Variants in OXT observed in about 807,000 individuals in gnomAD.
OXT encodes oxytocin-neurophysin 1 proprotein.
Under a neutral mutation model 11.2 loss-of-function variants are expected in OXT, and 9 were observed. That is an observed-to-expected ratio of 0.80 (90% CI 0.49 to 1.40). The LOEUF (loss-of-function observed/expected upper bound fraction) is 1.40. Ranked by LOEUF, OXT falls within the 40% of genes most tolerant of loss-of-function variation. The pLI is 0.00. For missense variants in OXT, 175 were observed against 178.7 expected (o/e 0.98, Z 0.12); for synonymous variants, 76 against 80.9 (o/e 0.94, Z 0.33).
In OXT at chr20:3,071,806, C is replaced by T. The variant is rs1410100567; in HGVS notation, c.120+31C>T. 2 of 1,543,598 alleles carry T rather than the reference C, an allele frequency of 1.3e-6. No homozygotes were observed. Among genetic ancestry groups the T allele is most frequent in the Admixed American group, 3.9e-5 (2 of 51,466 alleles). ...TCCCCAGCCCTGGTCCCGCGGCGCT[C>T]CGGGGAGGGAGGGACCCGCAGCCAC... On this transcript the variant is annotated intron_variant, in intron 1 of 2. Coordinates refer to ENST00000217386, the MANE Select transcript of OXT (RefSeq NM_000915.4). The surrounding 1 kb of genome is among the most constrained non-coding windows in gnomAD (Gnocchi z 4.8).
In OXT at chr20:3,072,112, C is replaced by T; in HGVS notation, c.156C>T (p.Cys52=). 6.4e-7 allele frequency: 1 copy of T among 1,565,384 alleles called. No individual in the cohort carries two copies. Among genetic ancestry groups the T allele is most frequent in the Non-Finnish European group, 8.6e-7 (1 of 1,164,492 alleles). Residue 52 remains cysteine, a synonymous_variant, in exon 2 of 3, where the codon TGC becomes TGT. Transcript: ENST00000217386. ...LPCGPGGKGR[C]FGPNICCAEE... is the part of the protein sequence containing the mutation. ...GCGGCCCCGGGGGCAAAGGCCGCTG[C>T]TTCGGGCCCAATATCTGCTGCGCGG...
chr20:3,071,946 G>T lies in OXT; in HGVS notation c.121-131G>T. 1.5e-6 allele frequency: 2 copies of T among 1,352,306 alleles called. No homozygotes were observed. The highest frequency in any genetic ancestry group is 1.9e-6 in the Non-Finnish European group (2 of 1,040,154). 83.8% of individuals were successfully genotyped at this position (1,352,306 alleles called of 1,614,324 possible). ...CGGCGCCCCAGCGCGTCTCAGCCCC[G>T]CTGTCCCGCCCGAACTCCGAACCCC... On this transcript the variant is annotated intron_variant, in intron 1 of 2. Coordinates refer to ENST00000217386, the MANE Select transcript of OXT (RefSeq NM_000915.4). The surrounding 1 kb of genome is among the most constrained non-coding windows in gnomAD (Gnocchi z 4.8).
At position 3,072,118 on chromosome 20, in the gene OXT, G is replaced by A; in HGVS notation, c.162G>A (p.Gly54=). 13 of 1,572,934 alleles carry A rather than the reference G, an allele frequency of 8.3e-6. No homozygotes were observed. The highest frequency in any genetic ancestry group is 1.8e-5 in the Admixed American group (1 of 56,630). The change falls in exon 2 of 3, where the codon GGG becomes GGA. Residue 54 remains glycine, a synonymous_variant. Transcript: ENST00000217386. ...CGPGGKGRCF[G]PNICCAEELG... ...CCGGGGGCAAAGGCCGCTGCTTCGGGCCCAATATCTGCTGCGCGGAAGAGC... is the reference window on the plus strand; with the variant it reads ...CCGGGGGCAAAGGCCGCTGCTTCGGACCCAATATCTGCTGCGCGGAAGAGC...
Position 3,072,460 on chromosome 20 carries a change from T to C in OXT, c.*42T>C. ...ACACCCTCGAAGCGCGCCACTCGCT[T>C]CCCCCATAGCCACCCCAGAAATGGT... On this transcript the variant is annotated 3_prime_UTR_variant, in exon 3 of 3. Coordinates refer to ENST00000217386, the MANE Select transcript of OXT (RefSeq NM_000915.4). The C allele has an allele frequency of 6.3e-7, 1 of 1,596,742 alleles. No homozygotes were observed. The highest frequency in any genetic ancestry group is 8.6e-7 in the Non-Finnish European group (1 of 1,165,796).
chr20:3,072,058 A>T lies in OXT; in HGVS notation c.121-19A>T, dbSNP rs1416045633. 2 of 1,504,408 alleles carry T rather than the reference A, an allele frequency of 1.3e-6. No individual in the cohort carries two copies. Among genetic ancestry groups the T allele is most frequent in the Non-Finnish European group, 1.8e-6 (2 of 1,134,726 alleles). 93.2% of individuals were successfully genotyped at this position (1,504,408 alleles called of 1,614,324 possible). A position where few individuals can be genotyped will look rare whatever the true frequency, so the allele number is the denominator to read the frequency against. On this transcript the variant is annotated intron_variant, in intron 1 of 2. Coordinates refer to ENST00000217386, the MANE Select transcript of OXT (RefSeq NM_000915.4). ...CCCAGCGCCGCCCCGGCTCCCGCTCACCCCGCCCGTCCCCGCAGTGCCTCC... is the reference window on the plus strand; with the variant it reads ...CCCAGCGCCGCCCCGGCTCCCGCTCTCCCCGCCCGTCCCCGCAGTGCCTCC...
In OXT at chr20:3,072,439, C is replaced by T. The variant is rs773367608; in HGVS notation, c.*21C>T. Reference sequence around the variant, plus strand: ...GCTGAAACTTGATGGCTCCGAACACCCTCGAAGCGCGCCACTCGCTTCCCC... The same window carrying T: ...GCTGAAACTTGATGGCTCCGAACACTCTCGAAGCGCGCCACTCGCTTCCCC... On this transcript the variant is annotated 3_prime_UTR_variant, in exon 3 of 3. Transcript: ENST00000217386. The T allele has an allele frequency of 1.2e-5, 20 of 1,611,656 alleles. No homozygotes were observed. Among genetic ancestry groups the T allele is most frequent in the Non-Finnish European group, 1.6e-5 (19 of 1,179,036 alleles).
rs748920446 is a variant in OXT at position 3,071,665 on chromosome 20, C to T, written c.10C>T (p.Pro4Ser). ...CCAGCGCACCCGCACCATGGCCGGC[C>T]CCAGCCTCGCTTGCTGTCTGCTCGG... is the stretch of plus-strand genomic sequence containing the variant. MAG[P>S]SLACCLLGLL... The change falls in exon 1 of 3, where the codon CCC becomes TCC. Residue 4 changes from proline (P) to serine (S), a missense_variant. By Grantham distance (74) the Pro-to-Ser change is moderately conservative (BLOSUM62 -1). Coordinates refer to ENST00000217386, the MANE Select transcript of OXT (RefSeq NM_000915.4). The surrounding 1 kb of genome is among the most constrained non-coding windows in gnomAD (Gnocchi z 4.8). 2.5e-6 allele frequency: 4 copies of T among 1,601,976 alleles called. No individual in the cohort carries two copies. Among genetic ancestry groups the T allele is most frequent in the Non-Finnish European group, 3.4e-6 (4 of 1,177,942 alleles).
Position 3,071,991 on chromosome 20 carries a change from C to G in OXT, c.121-86C>G. The G allele has an allele frequency of 3.6e-6, 5 of 1,379,592 alleles. No homozygotes were observed. Among genetic ancestry groups the G allele is most frequent in the Non-Finnish European group, 4.7e-6 (5 of 1,068,148 alleles). 85.5% of individuals were successfully genotyped at this position (1,379,592 alleles called of 1,614,324 possible). On this transcript the variant is annotated intron_variant, in intron 1 of 2. Coordinates refer to ENST00000217386, the MANE Select transcript of OXT (RefSeq NM_000915.4). This position sits in a 1 kb window ranked among gnomAD's most constrained non-coding sequence, Gnocchi z 4.8. The stretch of plus-strand genomic sequence containing the variant: ...AACCCCGGACCCCAGCATCCTTGCC[C>G]GGCGCACCCCGGCCGGCCTCGCAGG...
At position 3,071,979 on chromosome 20, in the gene OXT, A is replaced by G; in HGVS notation, c.121-98A>G. 7.3e-7 allele frequency: 1 copy of G among 1,367,810 alleles called. No individual in the cohort carries two copies. The allele number at this position is 1,367,810 out of a possible 1,614,324, so 84.7% of individuals were successfully genotyped here. On this transcript the variant is annotated intron_variant, in intron 1 of 2. Coordinates refer to ENST00000217386, the MANE Select transcript of OXT (RefSeq NM_000915.4). This position sits in a 1 kb window ranked among gnomAD's most constrained non-coding sequence, Gnocchi z 4.8. The stretch of plus-strand genomic sequence containing the variant: ...GCCCGAACTCCGAACCCCGGACCCC[A>G]GCATCCTTGCCCGGCGCACCCCGGC...
chr20:3,071,881 G>A lies in OXT; in HGVS notation c.120+106G>A. On this transcript the variant is annotated intron_variant, in intron 1 of 2. Coordinates refer to ENST00000217386, the MANE Select transcript of OXT (RefSeq NM_000915.4). The surrounding 1 kb of genome is among the most constrained non-coding windows in gnomAD (Gnocchi z 4.8). ...GCCTGAGAACTCCAGGAGCTGAGCG[G>A]ATTTTGACGCCCCGCCCTTGACCGC... 3 of 1,416,484 alleles carry A rather than the reference G, an allele frequency of 2.1e-6. No homozygotes were observed. Among genetic ancestry groups the A allele is most frequent in the Non-Finnish European group, 2.8e-6 (3 of 1,085,182 alleles). 87.7% of individuals were successfully genotyped at this position (1,416,484 alleles called of 1,614,324 possible). A position where few individuals can be genotyped will look rare whatever the true frequency, so the allele number is the denominator to read the frequency against.
In OXT at chr20:3,072,156, T is replaced by A; in HGVS notation, c.200T>A (p.Val67Glu). The A allele has an allele frequency of 1.9e-6, 3 of 1,593,092 alleles. No individual in the cohort carries two copies. Among genetic ancestry groups the A allele is most frequent in the Non-Finnish European group, 2.6e-6 (3 of 1,176,298 alleles). The change falls in exon 2 of 3, where the codon GTG becomes GAG. Residue 67 changes from valine to glutamate, a missense_variant. Coordinates refer to ENST00000217386, the MANE Select transcript of OXT (RefSeq NM_000915.4). ...ICCAEELGCF[V>E]GTAEALRCQE... ...TGCGCGGAAGAGCTGGGCTGCTTCGTGGGCACCGCCGAAGCGCTGCGCTGC... is the reference window on the plus strand; with the variant it reads ...TGCGCGGAAGAGCTGGGCTGCTTCGAGGGCACCGCCGAAGCGCTGCGCTGC...
chr20:3,072,274 C>G lies in OXT; in HGVS notation c.318C>G (p.Ser106Arg). ...GCGCGGTCTTGGGCCTCTGCTGCAGCCCGGGTGAGCGGGGCAAGGCGCTCC... is the reference window on the plus strand; with the variant it reads ...GCGCGGTCTTGGGCCTCTGCTGCAGGCCGGGTGAGCGGGGCAAGGCGCTCC... ...GRCAVLGLCC[S>R]PDGCHADPAC... The change falls in exon 2 of 3, where the codon AGC becomes AGG. Residue 106 changes from serine to arginine, a missense_variant. Coordinates refer to ENST00000217386, the MANE Select transcript of OXT (RefSeq NM_000915.4). 1 of 1,595,790 alleles carries G rather than the reference C, an allele frequency of 6.3e-7. No homozygotes were observed. The highest frequency in any genetic ancestry group is 8.5e-7 in the Non-Finnish European group (1 of 1,177,096).
In OXT at chr20:3,071,647, A is replaced by G. The variant is rs757727500; in HGVS notation, c.-9A>G. 19 of 1,602,428 alleles carry G rather than the reference A, an allele frequency of 1.2e-5. No individual in the cohort carries two copies. The highest frequency in any genetic ancestry group is 1.5e-5 in the Non-Finnish European group (18 of 1,178,556). ...CAGTCACGGACCCTGGACCCAGCGC[A>G]CCCGCACCATGGCCGGCCCCAGCCT... On this transcript the variant is annotated 5_prime_UTR_variant, in exon 1 of 3. Transcript: ENST00000217386. This position sits in a 1 kb window ranked among gnomAD's most constrained non-coding sequence, Gnocchi z 4.8.
Position 3,072,174 on chromosome 20 carries a change from T to C in OXT, c.218T>C (p.Leu73Pro). The C allele has an allele frequency of 6.3e-7, 1 of 1,595,616 alleles. No homozygotes were observed. Among genetic ancestry groups the C allele is most frequent in the Non-Finnish European group, 8.5e-7 (1 of 1,177,378 alleles). ...LGCFVGTAEA[L>P]RCQEENYLPS... ...TGCTTCGTGGGCACCGCCGAAGCGC[T>C]GCGCTGCCAGGAGGAGAACTACCTG... The change falls in exon 2 of 3, where the codon CTG becomes CCG. Residue 73 changes from leucine to proline, a missense_variant. Transcript: ENST00000217386.
Position 3,072,265 on chromosome 20 carries a change from C to G in OXT, c.309C>G (p.Leu103=). Residue 103 remains leucine, a synonymous_variant, in exon 2 of 3, where the codon CTC becomes CTG. Transcript: ENST00000217386. ...GGGGCCGCTGCGCGGTCTTGGGCCT[C>G]TGCTGCAGCCCGGGTGAGCGGGGCA... ...GSGGRCAVLG[L]CCSPDGCHAD... is the part of the protein sequence containing the mutation. 1.3e-6 allele frequency: 2 copies of G among 1,595,460 alleles called. No individual in the cohort carries two copies. The highest frequency in any genetic ancestry group is 1.7e-6 in the Non-Finnish European group (2 of 1,177,012).
rs761523918 is a variant in OXT at position 3,072,357 on chromosome 20, C to T, written c.323-6C>T. The T allele has an allele frequency of 6.8e-6, 11 of 1,609,196 alleles. No individual in the cohort carries two copies. Among genetic ancestry groups the T allele is most frequent in the Non-Finnish European group, 8.5e-6 (10 of 1,179,936 alleles). On this transcript the variant is annotated splice_region_variant and splice_polypyrimidine_tract_variant and intron_variant, in intron 2 of 2. Coordinates refer to ENST00000217386, the MANE Select transcript of OXT (RefSeq NM_000915.4). ...GGGATTCCCCTGACTCCACCTCTTC[C>T]TCCAGACGGCTGCCACGCCGACCCT...
chr20:3,072,320 G>T, intron 2 of OXT, 42 bp downstream of exon 2: 1 of 1,601,920 alleles, frequency 6.2e-7, no homozygotes, highest in Non-Finnish European at 8.5e-7. Context: ...GGAGGCGGGC[G>T]GGGGTGCGGC....
rs771699855 is a variant in OXT at position 3,072,469 on chromosome 20, G to A, written c.*51G>A. On this transcript the variant is annotated 3_prime_UTR_variant, in exon 3 of 3. Coordinates refer to ENST00000217386, the MANE Select transcript of OXT (RefSeq NM_000915.4). ...AAGCGCGCCACTCGCTTCCCCCATA[G>A]CCACCCCAGAAATGGTGAAAATAAA... 21 of 1,574,490 alleles carry A rather than the reference G, an allele frequency of 1.3e-5. No individual in the cohort carries two copies. The highest frequency in any genetic ancestry group is 1.6e-5 in the Non-Finnish European group (18 of 1,145,882).
chr20:3,071,954 G>T lies in OXT; in HGVS notation c.121-123G>T, dbSNP rs1484896245. 2 of 1,351,582 alleles carry T rather than the reference G, an allele frequency of 1.5e-6. No individual in the cohort carries two copies. Among genetic ancestry groups the T allele is most frequent in the African/African-American group, 1.5e-5 (1 of 64,538 alleles). The allele number at this position is 1,351,582 out of a possible 1,614,324, so 83.7% of individuals were successfully genotyped here. On this transcript the variant is annotated intron_variant, in intron 1 of 2. Transcript: ENST00000217386. The surrounding 1 kb of genome is among the most constrained non-coding windows in gnomAD (Gnocchi z 4.8). The stretch of plus-strand genomic sequence containing the variant: ...CAGCGCGTCTCAGCCCCGCTGTCCC[G>T]CCCGAACTCCGAACCCCGGACCCCA...
Sources: gnomAD v4.1 joint callset for allele counts on GRCh38, gnomAD v4.1.1 for gene constraint, Gnocchi (gnomAD v3.1) non-coding constraint, MANE v1.5 for transcripts, NCBI Gene and HGNC (gene_info 2026-07-23, HGNC 2026-07-21) for gene names.